Variants in RAPGEF6 observed in about 807,000 individuals in gnomAD.
RAPGEF6 encodes PDZ domain containing guanine nucleotide exchange factor (GEF) 2.
In RAPGEF6, 56 loss-of-function variants were observed where a neutral mutation model predicts 171.4. The ratio of observed to expected loss-of-function variants is 0.33; its 90% CI spans 0.26 to 0.41. The LOEUF (loss-of-function observed/expected upper bound fraction) is 0.41. Among genes scored for constraint, RAPGEF6 ranks in the 10% least tolerant of loss-of-function variants. RAPGEF6 has a pLI of 1.00. For missense variants in RAPGEF6, 1,674 were observed against 1,921.4 expected (o/e 0.87, Z 2.41); for synonymous variants, 692 against 650.1 (o/e 1.06, Z -0.98).
chr5:131,590,310 T>C (rs1027325115), intron 4 of RAPGEF6, among the ~76,000 whole-genome samples: 3 of 152,116 alleles, frequency 2.0e-5, no homozygotes, highest in African/African-American at 2.4e-5. Flanking sequence ...TAAGGCAGAA[T>C]TGCTTGAACC....
chr5:131,521,273 G>T, intron 7 of RAPGEF6, 117 bp downstream of exon 7: 1 of 1,077,156 alleles, frequency 9.3e-7, no homozygotes, highest in Non-Finnish European at 1.3e-6. Flanking sequence ...TTTTTCTAAA[G>T]ACCTTACGCT....
At chr5:131,602,346 AAAC>A (rs1764307389) in intron 3 of RAPGEF6, among the ~76,000 whole-genome samples, 1 of 152,220 alleles carries the variant, frequency 6.6e-6, no homozygotes, top group African/African-American at 2.4e-5. Context: ...TCACTGACTG[AAAC>A]AACGTTATGT....
intron 19 of RAPGEF6, among the ~76,000 whole-genome samples, chr5:131,456,813 T>G (rs1324928151): frequency 1.3e-5 from 2 of 152,224 alleles, no homozygotes; most frequent in Non-Finnish European, 1.5e-5. Flanking sequence ...TGTTCCCTTT[T>G]GCTTCTCAGA....
At chr5:131,588,637 G>C (rs1390976902) in intron 4 of RAPGEF6, among the ~76,000 whole-genome samples, 1 of 151,926 alleles carries the variant, frequency 6.6e-6, no homozygotes, top group Non-Finnish European at 1.5e-5. Context: ...TAGCTACTTG[G>C]GATGCTGAAG....
intron 12 of RAPGEF6, 139 bp from the exon 13 acceptor site, chr5:131,495,799 A>T: frequency 7.8e-7 from 1 of 1,288,944 alleles, no homozygotes; most frequent in African/African-American, 1.5e-5. Context: ...GGCTCATTCT[A>T]ACAGAAAGGC....
In RAPGEF6 at chr5:131,581,472, T is replaced by C. The variant is rs147622825; in HGVS notation, c.281+10911A>G. 4.3e-3 allele frequency among the ~76,000 whole-genome samples: 661 copies of C among 152,196 alleles called. 10 individuals are homozygous for C. Among genetic ancestry groups the C allele is most frequent in the African/African-American group, 0.015 (642 of 41,508 alleles). Reference sequence around the variant, plus strand: ...TACGAAACTGCATCCAGGCTATCACTAATCACTCTACACAACAAATGCTGC... The same window carrying C: ...TACGAAACTGCATCCAGGCTATCACCAATCACTCTACACAACAAATGCTGC... On this transcript the variant is annotated intron_variant, in intron 4 of 27. Coordinates refer to ENST00000509018, the MANE Select transcript of RAPGEF6 (RefSeq NM_016340.6).
At chr5:131,571,674 T>G (rs980807575) in intron 4 of RAPGEF6, among the ~76,000 whole-genome samples, 1 of 152,220 alleles carries the variant, frequency 6.6e-6, no homozygotes, top group South Asian at 2.1e-4. Flanking sequence ...GCATTCCCAA[T>G]CAAAACCTCA....
Position 131,427,079 on chromosome 5 carries a change from TATCTGCAGAAATTA to T in RAPGEF6, c.*173_*186del. Reference sequence around the variant, plus strand: ...AGCATCCATTGCTCAGGAAACTATTTATCTGCAGAAATTAAATGAAAGGAAGCATAACTCAGGTC... The same window carrying T: ...AGCATCCATTGCTCAGGAAACTATTTAATGAAAGGAAGCATAACTCAGGTC... On this transcript the variant is annotated 3_prime_UTR_variant, in exon 28 of 28. Coordinates refer to ENST00000509018, the MANE Select transcript of RAPGEF6 (RefSeq NM_016340.6). The T allele has an allele frequency of 1.5e-6, 1 of 658,408 alleles. No homozygotes were observed. The highest frequency in any genetic ancestry group is 1.8e-5 in the South Asian group (1 of 56,066). 40.8% of individuals were successfully genotyped at this position (658,408 alleles called of 1,614,324 possible). A position where few individuals can be genotyped will look rare whatever the true frequency, so the allele number is the denominator to read the frequency against.
At chr5:131,608,424 A>G (rs1764735383) in intron 1 of RAPGEF6, among the ~76,000 whole-genome samples, 1 of 152,122 alleles carries the variant, frequency 6.6e-6, no homozygotes, top group Non-Finnish European at 1.5e-5. Flanking sequence ...TGTTCTATTA[A>G]CTCTTTTTTT....
At chr5:131,578,435 G>C (rs1242926734) in intron 4 of RAPGEF6, among the ~76,000 whole-genome samples, 21 of 151,894 alleles carry the variant, frequency 1.4e-4, no homozygotes, top group Admixed American at 1.4e-3. Context: ...TCCTTTAATA[G>C]CCCCCATCTT....
chr5:131,436,366 G>C, intron 24 of RAPGEF6: 2 of 1,537,416 alleles, frequency 1.3e-6, no homozygotes, highest in South Asian at 2.4e-5. Flanking sequence ...GCTGTGATCA[G>C]ATATGATACT....
intron 1 of RAPGEF6, among the ~76,000 whole-genome samples, chr5:131,633,819 G>C (rs761717275): frequency 5.3e-5 from 8 of 152,184 alleles, no homozygotes; most frequent in Non-Finnish European, 1.2e-4. Flanking sequence ...ATGCTATAAA[G>C]GCTGTAAGAT....
intron 3 of RAPGEF6, among the ~76,000 whole-genome samples, chr5:131,596,485 G>A (rs530049165): frequency 6.6e-6 from 1 of 151,976 alleles, no homozygotes; most frequent in Admixed American, 6.6e-5. Flanking sequence ...CTATAATAGA[G>A]TAATAGCAGG....
chr5:131,548,263 C>T, intron 5 of RAPGEF6, 73 bp from the exon 6 acceptor site: 6 of 1,457,906 alleles, frequency 4.1e-6, no homozygotes, highest in Non-Finnish European at 5.7e-6. Context: ...GGAGTCTTAA[C>T]AGACTCATAA....
intron 1 of RAPGEF6, among the ~76,000 whole-genome samples, chr5:131,606,043 AAAAAAAAAAAG>A (rs1237792774): frequency 1.4e-3 from 208 of 147,102 alleles, no homozygotes; most frequent in South Asian, 5.0e-3. Context: ...AAAAAAAAAA[AAAAAAAAAAAG>A]AAAAAGAAAA....
intron 1 of RAPGEF6, among the ~76,000 whole-genome samples, chr5:131,610,804 C>T (rs1764890034): frequency 6.6e-6 from 1 of 152,150 alleles, no homozygotes; most frequent in African/African-American, 2.4e-5. Flanking sequence ...GGAGGAGCTG[C>T]TCCCTGAACT....
chr5:131,467,974 T>C (rs1340349990), intron 17 of RAPGEF6, among the ~76,000 whole-genome samples: 1 of 150,884 alleles, frequency 6.6e-6, no homozygotes, highest in South Asian at 2.1e-4. Flanking sequence ...GAGGCTGCAG[T>C]GAGCCGAGAT....
chr5:131,521,840 TACAC>T (rs3992018), intron 6 of RAPGEF6, among the ~76,000 whole-genome samples: 3,113 of 97,062 alleles, frequency 0.032, 82 homozygotes, highest in African/African-American at 0.074. Context: ...AATGTTACCC[TACAC>T]ACACACACAC....
intron 6 of RAPGEF6, among the ~76,000 whole-genome samples, chr5:131,538,635 A>G (rs1398201052): frequency 1.3e-5 from 2 of 152,186 alleles, no homozygotes; most frequent in African/African-American, 4.8e-5. Flanking sequence ...GGGTCCTGAA[A>G]CCAAGCCCCC....
Sources: allele counts gnomAD v4.1 joint callset (sites outside exome capture counted in the v4.1 genomes callset), GRCh38; gene constraint gnomAD v4.1.1; transcripts MANE v1.5; gene names NCBI Gene and HGNC (gene_info 2026-07-23, HGNC 2026-07-21).